VEZT: variants seen among roughly 807,000 people sequenced by gnomAD.
The protein encoded by VEZT is vezatin.
In VEZT, 39 loss-of-function variants were observed where a neutral mutation model predicts 79.9. The ratio of observed to expected loss-of-function variants is 0.49; its 90% CI spans 0.38 to 0.64. The LOEUF (loss-of-function observed/expected upper bound fraction) is 0.64. Ranked by LOEUF, VEZT falls within the 30% of genes least tolerant of loss-of-function variation. The probability of loss-of-function intolerance (pLI) is 0.00; values close to 1 mark genes in which losing one functional copy is unlikely to be tolerated. For missense variants in VEZT, 837 were observed against 893.1 expected (o/e 0.94, Z 0.80); for synonymous variants, 325 against 327.6 (o/e 0.99, Z 0.09).
chr12:95,243,314 A>G lies in VEZT; in HGVS notation c.37-8626A>G, dbSNP rs573438759. Among the ~76,000 whole-genome samples the G allele has an allele frequency of 7.4e-5, 11 of 149,308 alleles. No homozygotes were observed. The East Asian group carries it at 1.6e-3, about 22-fold the overall frequency. On this transcript the variant is annotated intron_variant, in intron 1 of 11. Transcript: ENST00000436874. Reference sequence around the variant, plus strand: ...CACTTGGAGGTTGCCGTGAGCAGAGATAGTGTCACTGCACTCCAACCTGGG... The same window carrying G: ...CACTTGGAGGTTGCCGTGAGCAGAGGTAGTGTCACTGCACTCCAACCTGGG...
At chr12:95,278,390 G>C (rs1031381421) in intron 7 of VEZT, among the ~76,000 whole-genome samples, 2 of 151,990 alleles carry the variant, frequency 1.3e-5, no homozygotes, top group Non-Finnish European at 2.9e-5. Flanking sequence ...TAACTAACCT[G>C]TAACCAAACT....
intron 1 of VEZT, among the ~76,000 whole-genome samples, chr12:95,238,687 C>T (rs138547586): frequency 3.6e-3 from 553 of 152,270 alleles, no homozygotes; most frequent in Non-Finnish European, 5.5e-3. Flanking sequence ...TTTGTTGCTA[C>T]GCCACTGTTT....
chr12:95,224,804 C>T (rs906058397), intron 1 of VEZT, among the ~76,000 whole-genome samples: 1 of 152,148 alleles, frequency 6.6e-6, no homozygotes, highest in African/African-American at 2.4e-5. Context: ...GTTTTTGGCA[C>T]CAGGGACTTG....
At position 95,300,192 on chromosome 12, in the gene VEZT, A is replaced by G. The variant is rs2075019577; in HGVS notation, c.1859A>G (p.Asp620Gly). ...GTGTTGAAATCCTTGTCTCCTGTAGACCCAGTGGAACCCATAAGTAATTCA... is the reference window on the plus strand; with the variant it reads ...GTGTTGAAATCCTTGTCTCCTGTAGGCCCAGTGGAACCCATAAGTAATTCA... ...HAVLKSLSPVDPVEPISNSEP... is the reference protein window; with the variant it reads ...HAVLKSLSPVGPVEPISNSEP... Residue 620 changes from aspartate to glycine, a missense_variant, in exon 12 of 12, where the codon GAC becomes GGC. Asp to Gly is a moderately conservative substitution (Grantham distance 94). Coordinates refer to ENST00000436874, the MANE Select transcript of VEZT (RefSeq NM_017599.4). The G allele has an allele frequency of 6.5e-7, 1 of 1,543,054 alleles. No individual in the cohort carries two copies. The highest frequency in any genetic ancestry group is 8.7e-7 in the Non-Finnish European group (1 of 1,144,182).
At chr12:95,284,170 C>T (rs2069934304) in intron 8 of VEZT, among the ~76,000 whole-genome samples, 1 of 152,214 alleles carries the variant, frequency 6.6e-6, no homozygotes, top group South Asian at 2.1e-4. Context: ...ATATTCTATA[C>T]ATGCTAATGT....
At chr12:95,289,093 T>A (rs11107963) in intron 9 of VEZT, among the ~76,000 whole-genome samples, 9,205 of 105,432 alleles carry the variant, frequency 0.087, 769 homozygotes, top group Non-Finnish European at 0.13. Context: ...AAAAAAAAAA[T>A]AAATAAATAA....
At chr12:95,223,140 A>C (rs1001322176) in intron 1 of VEZT, among the ~76,000 whole-genome samples, 6 of 152,186 alleles carry the variant, frequency 3.9e-5, no homozygotes, top group Admixed American at 2.0e-4. Flanking sequence ...TAACTTGTCT[A>C]AGCTTCAGTT....
chr12:95,243,852 C>T, intron 1 of VEZT: 1 of 415,980 alleles, frequency 2.4e-6, no homozygotes, highest in South Asian at 1.7e-5. Flanking sequence ...CCTGAAAGAG[C>T]AGGTTGTTAT....
chr12:95,229,917 C>G (rs2059001089), intron 1 of VEZT, among the ~76,000 whole-genome samples: 1 of 152,104 alleles, frequency 6.6e-6, no homozygotes, highest in African/African-American at 2.4e-5. Flanking sequence ...TGGTGAAACC[C>G]CATCTCTACT....
chr12:95,270,302 G>C, intron 6 of VEZT, 114 bp downstream of exon 6: 1 of 1,098,102 alleles, frequency 9.1e-7, no homozygotes, highest in Non-Finnish European at 1.3e-6. Flanking sequence ...CTATTTTGAA[G>C]CTAATTTCCA....
At chr12:95,254,639 C>T (rs761641830) in intron 2 of VEZT, among the ~76,000 whole-genome samples, 10 of 152,002 alleles carry the variant, frequency 6.6e-5, no homozygotes, top group Non-Finnish European at 1.3e-4. Context: ...CCACCATGCC[C>T]GACCAATTTT....
At position 95,282,487 on chromosome 12, in the gene VEZT, G is replaced by A; in HGVS notation, c.1171G>A (p.Glu391Lys). The A allele has an allele frequency of 6.2e-7, 1 of 1,613,958 alleles. No homozygotes were observed. The highest frequency in any genetic ancestry group is 8.5e-7 in the Non-Finnish European group (1 of 1,179,884). The change falls in exon 8 of 12, where the codon GAG becomes AAG. Residue 391 changes from glutamate to lysine, a missense_variant. By Grantham distance (56) the Glu-to-Lys change is moderately conservative. Coordinates refer to ENST00000436874, the MANE Select transcript of VEZT (RefSeq NM_017599.4). ...LPHAHSACLE[E>K]LKRSYEFYRY... Reference sequence around the variant, plus strand: ...TCATGCTCATTCTGCCTGTTTGGAAGAGCTTAAGCGCAGCTATGAGTTCTA... The same window carrying A: ...TCATGCTCATTCTGCCTGTTTGGAAAAGCTTAAGCGCAGCTATGAGTTCTA...
Position 95,275,542 on chromosome 12 carries a change from A to G in VEZT, c.996+653A>G, listed in dbSNP as rs143188313. Among the ~76,000 whole-genome samples the G allele has an allele frequency of 9.9e-3, 1,500 of 151,812 alleles. 22 individuals carry two copies. Among genetic ancestry groups the G allele is most frequent in the African/African-American group, 0.034 (1,420 of 41,366 alleles). On this transcript the variant is annotated intron_variant, in intron 7 of 11. Transcript: ENST00000436874. ...CAGTGAGCTGAGACCATGCCATTGC[A>G]CTCCAGCCTGGGTGACAATAGCAAA...
rs375092680 is a variant in VEZT at position 95,297,926 on chromosome 12, C to T, written c.1831+1668C>T. ...CTTGAGGTCAGGAGTTCAAGACCAGCCTGGCCAACATGGCGAAACCCCCTC... is the reference window on the plus strand; with the variant it reads ...CTTGAGGTCAGGAGTTCAAGACCAGTCTGGCCAACATGGCGAAACCCCCTC... On this transcript the variant is annotated intron_variant, in intron 11 of 11. Transcript: ENST00000436874. Among the ~76,000 whole-genome samples the T allele has an allele frequency of 3.3e-4, 50 of 152,182 alleles. No homozygotes were observed. The East Asian group carries it at 8.7e-3, about 26-fold the overall frequency.
chr12:95,235,738 A>ACGGGGTGGTTGCCGGC (rs1566019106), intron 1 of VEZT, among the ~76,000 whole-genome samples: 1 of 148,988 alleles, frequency 6.7e-6, no homozygotes, highest in Non-Finnish European at 1.5e-5. Flanking sequence ...TCCCTCCCGG[A>ACGGGGTGGTTGCCGGC]CGGGGTGGTT....
chr12:95,252,113 C>G, intron 2 of VEZT, 42 bp downstream of exon 2: 1 of 1,578,934 alleles, frequency 6.3e-7, no homozygotes, highest in Non-Finnish European at 8.6e-7. Flanking sequence ...ATCTTTTGCA[C>G]TTTACCTTAC....
At position 95,239,982 on chromosome 12, in the gene VEZT, G is replaced by A. The variant is rs897566065; in HGVS notation, c.37-11958G>A. 3.0e-5 allele frequency among the ~76,000 whole-genome samples: 4 copies of A among 131,764 alleles called. No individual in the cohort carries two copies. The South Asian group carries it at 7.6e-4, about 25-fold the overall frequency. The allele number at this position is 131,764 out of a possible 152,430, so 86.4% of individuals were successfully genotyped here. A position where few individuals can be genotyped will look rare whatever the true frequency, so the allele number is the denominator to read the frequency against. On this transcript the variant is annotated intron_variant, in intron 1 of 11. Transcript: ENST00000436874. ...AGAGAGAGAGAGAGAGAGAGAGAGA[G>A]GAGAGAGAGAGAGGAGACAGAGAGA...
At chr12:95,266,664 GATT>G in intron 5 of VEZT, 32 bp downstream of exon 5, 3 of 1,533,088 alleles carry the variant, frequency 2.0e-6, no homozygotes, top group Non-Finnish European at 2.6e-6. Flanking sequence ...TTTCTTAAAT[GATT>G]ATTTTCTATT....
At chr12:95,221,301 C>T (rs986449855) in intron 1 of VEZT, among the ~76,000 whole-genome samples, 11 of 152,158 alleles carry the variant, frequency 7.2e-5, no homozygotes, top group African/African-American at 1.9e-4. Context: ...CCGTGGCTCA[C>T]GCCTATAATC....
Sources: allele counts gnomAD v4.1 joint callset (sites outside exome capture counted in the v4.1 genomes callset), GRCh38; gene constraint gnomAD v4.1.1; transcripts MANE v1.5; gene names NCBI Gene and HGNC (gene_info 2026-07-23, HGNC 2026-07-21).